The following AEBP2 variants were observed in gnomAD, a reference collection of about 807,000 sequenced individuals.
AEBP2 encodes AE binding protein 2.
In AEBP2, 10 loss-of-function variants were observed where a neutral mutation model predicts 50.8. The ratio of observed to expected loss-of-function variants is 0.20; its 90% CI spans 0.12 to 0.33. The LOEUF is 0.33. Ranked by LOEUF, AEBP2 falls within the 10% of genes least tolerant of loss-of-function variation. AEBP2 has a pLI of 1.00. For synonymous variants in AEBP2, 296 were observed against 261.3 expected, an observed-to-expected ratio of 1.13 and a Z score of -1.28; for missense variants, 570 against 688.0, an observed-to-expected ratio of 0.83 and a Z score of 1.92.
intron 2 of AEBP2, among the ~76,000 whole-genome samples, chr12:19,464,330 C>T (rs1407497571): frequency 1.3e-5 from 2 of 151,998 alleles, no homozygotes; most frequent in Non-Finnish European, 2.9e-5. Context: ...TGGTATATAC[C>T]ATTTTTGAGC....
intron 5 of AEBP2, among the ~76,000 whole-genome samples, chr12:19,500,723 T>G (rs1353606706): frequency 1.3e-5 from 2 of 152,202 alleles, no homozygotes; most frequent in Non-Finnish European, 2.9e-5. Context: ...TAGTCTCTTT[T>G]GTTCCACTCA....
At chr12:19,507,660 G>T (rs546882581) in intron 5 of AEBP2, among the ~76,000 whole-genome samples, 3 of 152,094 alleles carry the variant, frequency 2.0e-5, no homozygotes, top group Non-Finnish European at 4.4e-5. Context: ...TCTGAAGAAT[G>T]ATTTTTTTTC....
At position 19,442,984 on chromosome 12, in the gene AEBP2, A is replaced by G. The variant is rs1033445502; in HGVS notation, c.671+2614A>G. Among the ~76,000 whole-genome samples, 9 of 152,290 alleles carry G rather than the reference A, an allele frequency of 5.9e-5. No individual in the cohort carries two copies. The East Asian group carries it at 9.7e-4, about 16-fold the overall frequency. On this transcript the variant is annotated intron_variant, in intron 1 of 7. Transcript: ENST00000266508. ...CTCTATAACATTTTTAGGCATTCCT[A>G]TTACAAAGATTCTATTATAATGCCC... is the stretch of plus-strand genomic sequence containing the variant.
intron 2 of AEBP2, among the ~76,000 whole-genome samples, chr12:19,463,292 T>G (rs1948410220): frequency 6.6e-6 from 1 of 152,230 alleles, no homozygotes; most frequent in Non-Finnish European, 1.5e-5. Context: ...TTCATGTAAC[T>G]TCTATTAGGT....
rs1204632203 is a variant in AEBP2 at position 19,501,793 on chromosome 12, G to GT, written c.1299+1575dup. On this transcript the variant is annotated intron_variant, in intron 5 of 7. Transcript: ENST00000266508. ...TTTCCGTCGTCTCCTATAAAAATGA[G>GT]TTTGTTTTTTTTTTTTTTTTTTTTG... 3.9e-3 allele frequency among the ~76,000 whole-genome samples: 138 copies of GT among 35,190 alleles called. 3 individuals carry two copies. Among genetic ancestry groups the GT allele is most frequent in the African/African-American group, 8.4e-3 (119 of 14,228 alleles). 23.1% of individuals were successfully genotyped at this position (35,190 alleles called of 152,430 possible).
chr12:19,481,092 C>CG (rs1948721488), intron 3 of AEBP2, among the ~76,000 whole-genome samples: 1 of 74,050 alleles, frequency 1.4e-5, no homozygotes, highest in South Asian at 6.8e-4. Context: ...GCAGTGCATC[C>CG]TTTTTTTTTT....
rs1405833610 is a variant in AEBP2 at position 19,439,922 on chromosome 12, G to C, written c.223G>C (p.Gly75Arg). 2 of 1,506,726 alleles carry C rather than the reference G, an allele frequency of 1.3e-6. No individual in the cohort carries two copies. The highest frequency in any genetic ancestry group is 1.8e-6 in the Non-Finnish European group (2 of 1,135,134). 93.3% of individuals were successfully genotyped at this position (1,506,726 alleles called of 1,614,324 possible). ...GGGGGGGGGV[G>R]GGEAETMSEP... The stretch of plus-strand genomic sequence containing the variant: ...CGGCGGAGGCGGCGGCGGAGGAGTG[G>C]GGGGCGGCGAGGCAGAGACGATGTC... The change falls in exon 1 of 8, where the codon GGG (glycine) becomes CGG (arginine). Residue 75 changes from glycine to arginine, a missense_variant. Gly to Arg is a moderately radical substitution (Grantham distance 125, BLOSUM62 -2). Around this residue, in one of 2 missense-constraint regions of AEBP2, gnomAD observed 386 missense variants for 336.8 expected, o/e 1.15. Coordinates refer to ENST00000266508, the MANE Select transcript of AEBP2 (RefSeq NM_153207.5).
rs1949364069 is a variant in AEBP2, at chr12:19,519,162, G to A, written c.*1045G>A. The stretch of plus-strand genomic sequence containing the variant: ...GAAATATGTGTAACTTGTTAGTATT[G>A]TATTAAACAAATGTTGCATAGAGAT... On this transcript the variant is annotated 3_prime_UTR_variant, in exon 8 of 8. Transcript: ENST00000266508. 1 of 152,344 alleles carries A rather than the reference G, an allele frequency of 6.6e-6. No individual in the cohort carries two copies. The highest frequency in any genetic ancestry group is 1.5e-5 in the Non-Finnish European group (1 of 68,018). 9.4% of individuals were successfully genotyped at this position (152,344 alleles called of 1,614,324 possible). A position where few individuals can be genotyped will look rare whatever the true frequency, so the allele number is the denominator to read the frequency against.
At chr12:19,486,059 A>G (rs1321589321) in intron 3 of AEBP2, among the ~76,000 whole-genome samples, 3 of 150,446 alleles carry the variant, frequency 2.0e-5, no homozygotes. Flanking sequence ...GTTCGTATGC[A>G]CATTTGTAAC....
intron 1 of AEBP2, among the ~76,000 whole-genome samples, chr12:19,427,328 C>T (rs749273619): frequency 2.1e-5 from 3 of 144,420 alleles, no homozygotes; most frequent in Non-Finnish European, 4.5e-5. Flanking sequence ...TGCAGTGAGC[C>T]GAGAATGTGC....
In AEBP2 at chr12:19,440,803, C is replaced by T. The variant is rs1299151661; in HGVS notation, c.671+433C>T. 8 of 1,517,910 alleles carry T rather than the reference C, an allele frequency of 5.3e-6. No homozygotes were observed. The African/African-American group carries it at 5.5e-5, about 10-fold the overall frequency. 94.0% of individuals were successfully genotyped at this position (1,517,910 alleles called of 1,614,324 possible). ...CAAGTGTTTCCAATATGGCTGGTCT[C>T]GCCTGGATTTAACAGAACTTCCTTG... is the stretch of plus-strand genomic sequence containing the variant. On this transcript the variant is annotated intron_variant, in intron 1 of 7. Transcript: ENST00000266508.
chr12:19,464,002 T>C (rs1252609959), intron 2 of AEBP2, among the ~76,000 whole-genome samples: 1 of 152,210 alleles, frequency 6.6e-6, no homozygotes. Flanking sequence ...CCTGTCACAA[T>C]ATATTATAAT....
At chr12:19,490,390 G>GT (rs1300532266) in intron 3 of AEBP2, among the ~76,000 whole-genome samples, 1 of 152,102 alleles carries the variant, frequency 6.6e-6, no homozygotes, top group East Asian at 1.9e-4. Context: ...TGAGTATCAG[G>GT]TTTTTTATCG....
At chr12:19,460,693 C>T (rs377475961) in intron 1 of AEBP2, among the ~76,000 whole-genome samples, 4 of 142,428 alleles carry the variant, frequency 2.8e-5, no homozygotes, top group East Asian at 2.1e-4. Flanking sequence ...CTAGCTCTGT[C>T]GCCCAGGTTG....
intron 1 of AEBP2, among the ~76,000 whole-genome samples, chr12:19,444,948 G>GC (rs1262993526): frequency 6.6e-5 from 10 of 152,230 alleles, no homozygotes; most frequent in South Asian, 6.2e-4. Flanking sequence ...AGGCTGGAGT[G>GC]CAGTGGCGCG....
intron 3 of AEBP2, among the ~76,000 whole-genome samples, 159 bp from the exon 4 acceptor site, chr12:19,493,641 G>A (rs11044611): frequency 0.022 from 3,279 of 152,162 alleles, 43 homozygotes; most frequent in East Asian, 0.043. Flanking sequence ...AACTTACTTC[G>A]TAAAGTGAAA....
At chr12:19,440,437 C>A in intron 1 of AEBP2, 67 bp downstream of exon 1, 3 of 1,438,794 alleles carry the variant, frequency 2.1e-6, no homozygotes, top group East Asian at 2.4e-5. Context: ...CAGAGGGGGA[C>A]CAAGGCGACG....
chr12:19,472,967 A>T (rs1288656833), intron 2 of AEBP2, among the ~76,000 whole-genome samples: 1 of 152,154 alleles, frequency 6.6e-6, no homozygotes, highest in African/African-American at 2.4e-5. Context: ...CCATGGTCTC[A>T]GTTCCAAGGG....
chr12:19,418,292 A>T (rs571140160), intron 1 of AEBP2, among the ~76,000 whole-genome samples: 1 of 149,310 alleles, frequency 6.7e-6, no homozygotes, highest in East Asian at 2.1e-4. Flanking sequence ...TGGCACAATT[A>T]TGGCTCACTG....
Sources: gnomAD v4.1 joint callset for allele counts (sites outside exome capture counted in the v4.1 genomes callset) on GRCh38, gnomAD v4.1.1 for gene constraint, gnomAD v4.1.1 regional missense constraint, MANE v1.5 for transcripts, NCBI Gene and HGNC (gene_info 2026-07-23, HGNC 2026-07-21) for gene names.